ADAM12: variants seen among roughly 807,000 people sequenced by gnomAD.
ADAM12 encodes ADAM metallopeptidase domain 12.
ADAM12 carries 70 observed loss-of-function variants against 106.4 expected under a neutral mutation model. The ratio of observed to expected loss-of-function variants is 0.66; its 90% CI spans 0.54 to 0.80. The LOEUF (loss-of-function observed/expected upper bound fraction) is 0.80, where lower values mean the gene tolerates loss of function less well. Among genes scored for constraint, ADAM12 ranks in the 30% least tolerant of loss-of-function variants. The pLI is 0.00. For missense variants in ADAM12, 1,010 were observed against 1,171.9 expected (o/e 0.86, Z 2.02); for synonymous variants, 420 against 433.5 (o/e 0.97, Z 0.39).
intron 3 of ADAM12, among the ~76,000 whole-genome samples, chr10:126,156,742 G>A (rs926378105): frequency 2.6e-5 from 4 of 152,236 alleles, no homozygotes; most frequent in African/African-American, 4.8e-5. Flanking sequence ...GGGCCCTAAC[G>A]ATGGAGCAGG....
chr10:126,136,105 A>AGAGGAAGTGGGGGTGAAG (rs2308303), intron 4 of ADAM12, among the ~76,000 whole-genome samples: 27,213 of 151,632 alleles, frequency 0.18, 2,612 homozygotes, highest in Middle Eastern at 0.24. Context: ...AAAGCAGATG[A>AGAGGAAGTGGGGGTGAAG]GAGGAAGTGG....
intron 3 of ADAM12, among the ~76,000 whole-genome samples, chr10:126,228,803 A>G (rs1049711452): frequency 6.6e-6 from 1 of 152,146 alleles, no homozygotes; most frequent in African/African-American, 2.4e-5. Context: ...GAAGCTTCTG[A>G]TATGTTCAAG....
intron 3 of ADAM12, among the ~76,000 whole-genome samples, chr10:126,160,776 GCTGCCCACC>G (rs1956918057): frequency 6.6e-6 from 1 of 152,190 alleles, no homozygotes; most frequent in Non-Finnish European, 1.5e-5. Flanking sequence ...GCAACCTCAT[GCTGCCCACC>G]CTGCCACCAC....
At chr10:126,174,731 T>G (rs1957185791) in intron 3 of ADAM12, among the ~76,000 whole-genome samples, 1 of 151,598 alleles carries the variant, frequency 6.6e-6, no homozygotes, top group East Asian at 2.0e-4. Context: ...TAATGACATA[T>G]TTGAGGACCA....
At chr10:126,077,402 T>A (rs1277007106) in intron 11 of ADAM12, among the ~76,000 whole-genome samples, 4 of 152,148 alleles carry the variant, frequency 2.6e-5, no homozygotes, top group African/African-American at 9.7e-5. Flanking sequence ...ATCCTAAAAT[T>A]CATATGGAAC....
rs549279269 is a variant in ADAM12, at chr10:126,023,347, C to T, written c.2530-3522G>A. 4.6e-5 allele frequency among the ~76,000 whole-genome samples: 7 copies of T among 152,192 alleles called. 1 individual carries two copies. The East Asian group carries it at 7.7e-4, about 17-fold the overall frequency. On this transcript the variant is annotated intron_variant, in intron 21 of 22. Coordinates refer to ENST00000448723, the MANE Select transcript of ADAM12 (RefSeq NM_001288973.2). ...TGTGCCCTACCCCTTCTCTGATGAC[C>T]ACCAAGAGTTACAAGACAGCAAATG...
chr10:126,118,788 A>G (rs1321524051), intron 5 of ADAM12, among the ~76,000 whole-genome samples: 4 of 152,010 alleles, frequency 2.6e-5, no homozygotes, highest in South Asian at 2.1e-4. Context: ...TGAGTCTCCA[A>G]TGTCCATTAT....
At chr10:126,196,887 G>T (rs1033568183) in intron 3 of ADAM12, among the ~76,000 whole-genome samples, 1 of 152,204 alleles carries the variant, frequency 6.6e-6, no homozygotes, top group Non-Finnish European at 1.5e-5. Context: ...TTTCAAAAAT[G>T]TCAGTCAGGG....
intron 1 of ADAM12, among the ~76,000 whole-genome samples, chr10:126,374,294 G>A (rs1590839778): frequency 6.6e-6 from 1 of 152,062 alleles, no homozygotes; most frequent in African/African-American, 2.4e-5. Flanking sequence ...GGGTAGCAGT[G>A]GAGGGAAAAA....
intron 3 of ADAM12, among the ~76,000 whole-genome samples, chr10:126,236,038 C>T (rs148781251): frequency 5.3e-5 from 8 of 152,030 alleles, no homozygotes; most frequent in Admixed American, 1.3e-4. Context: ...CTTGGGCAGG[C>T]GCTGAGGCTC....
intron 1 of ADAM12, among the ~76,000 whole-genome samples, chr10:126,337,891 A>G (rs1199103897): frequency 1.3e-5 from 2 of 152,138 alleles, no homozygotes; most frequent in African/African-American, 2.4e-5. Context: ...TGGCTTTTCT[A>G]TAACTGGCAC....
At chr10:126,215,915 G>A (rs1429092901) in intron 3 of ADAM12, among the ~76,000 whole-genome samples, 1 of 152,096 alleles carries the variant, frequency 6.6e-6, no homozygotes, top group East Asian at 1.9e-4. Flanking sequence ...AGTTGCCCTT[G>A]TTTTCTGGCT....
chr10:126,196,803 T>C (rs542283119), intron 3 of ADAM12, among the ~76,000 whole-genome samples: 25 of 152,222 alleles, frequency 1.6e-4, no homozygotes, highest in Non-Finnish European at 3.5e-4. Context: ...CTCCTTTCCT[T>C]TCTGTAATTT....
At chr10:126,258,953 C>T (rs886560471) in intron 3 of ADAM12, among the ~76,000 whole-genome samples, 4 of 152,228 alleles carry the variant, frequency 2.6e-5, no homozygotes, top group South Asian at 4.1e-4. Flanking sequence ...CTGTTTCCCC[C>T]CTGTTCCCTA....
chr10:126,311,092 A>ACACACACAC (rs1564724976), intron 2 of ADAM12, among the ~76,000 whole-genome samples: 5 of 44,894 alleles, frequency 1.1e-4, no homozygotes, highest in Non-Finnish European at 2.0e-4. Flanking sequence ...CATACACACA[A>ACACACACAC]ATACACACAC....
intron 2 of ADAM12, among the ~76,000 whole-genome samples, chr10:126,295,245 CATT>C (rs1008128561): frequency 6.6e-6 from 1 of 152,074 alleles, no homozygotes; most frequent in African/African-American, 2.4e-5. Flanking sequence ...ATGCTTTGGT[CATT>C]GTTAGCCTCT....
At chr10:126,309,402 A>T (rs1307954288) in intron 2 of ADAM12, among the ~76,000 whole-genome samples, 4 of 152,194 alleles carry the variant, frequency 2.6e-5, no homozygotes, top group Non-Finnish European at 5.9e-5. Context: ...TCATATCTAA[A>T]GCCAGAAAAT....
chr10:126,160,479 G>T (rs928619838), intron 3 of ADAM12, among the ~76,000 whole-genome samples: 3 of 152,186 alleles, frequency 2.0e-5, no homozygotes, highest in African/African-American at 7.2e-5. Flanking sequence ...TTCTTTCAGG[G>T]GTTTGAATGA....
chr10:126,184,069 C>T (rs995344691), intron 3 of ADAM12, among the ~76,000 whole-genome samples: 1 of 152,182 alleles, frequency 6.6e-6, no homozygotes, highest in Non-Finnish European at 1.5e-5. Context: ...GGAATCTGGA[C>T]CTAGTCCTAC....
Sources: gnomAD v4.1 joint callset for allele counts (sites outside exome capture counted in the v4.1 genomes callset) on GRCh38, gnomAD v4.1.1 for gene constraint, MANE v1.5 for transcripts, NCBI Gene and HGNC (gene_info 2026-07-23, HGNC 2026-07-21) for gene names.